Variants in RARB observed in about 807,000 individuals in gnomAD.
RARB encodes retinoic acid receptor beta.
In RARB, 17 loss-of-function variants were observed where a neutral mutation model predicts 51.9. That is an observed-to-expected ratio of 0.33 (90% confidence interval 0.22 to 0.49). The LOEUF (loss-of-function observed/expected upper bound fraction) is 0.49. Among genes scored for constraint, RARB ranks in the 20% least tolerant of loss-of-function variants. RARB has a pLI of 0.99. For missense variants in RARB, 369 were observed against 550.8 expected, an observed-to-expected ratio of 0.67 and a Z score of 3.30; for synonymous variants, 215 against 195.4, an observed-to-expected ratio of 1.10 and a Z score of -0.84.
intron 5 of RARB, among the ~76,000 whole-genome samples, chr3:25,188,566 GAA>G (rs2125361929): frequency 6.6e-6 from 1 of 152,216 alleles, no homozygotes; most frequent in African/African-American, 2.4e-5. Flanking sequence ...TTTTGGAGTA[GAA>G]AAGTTATTCT....
intron 2 of RARB, among the ~76,000 whole-genome samples, chr3:24,972,617 A>G (rs1404288767): frequency 6.6e-6 from 1 of 152,010 alleles, no homozygotes; most frequent in East Asian, 1.9e-4. Context: ...CAGTGGTACA[A>G]GGGTTCCCCT....
intron 2 of RARB, among the ~76,000 whole-genome samples, chr3:25,013,910 C>A (rs559241709): frequency 6.6e-6 from 1 of 152,172 alleles, no homozygotes; most frequent in South Asian, 2.1e-4. Flanking sequence ...TTTTGGTTCA[C>A]AAAACTGAAA....
intron 3 of RARB, among the ~76,000 whole-genome samples, chr3:25,126,072 A>C (rs1559475513): frequency 6.6e-6 from 1 of 152,204 alleles, no homozygotes; most frequent in Non-Finnish European, 1.5e-5. Context: ...AGTTGAGTAC[A>C]TAGATTTTTA....
chr3:25,430,417 T>G (rs970280737), intron 1 of RARB, among the ~76,000 whole-genome samples: 5 of 152,248 alleles, frequency 3.3e-5, no homozygotes, highest in Non-Finnish European at 7.3e-5. Flanking sequence ...TCTGAAACTT[T>G]TTCTTGTTAG....
At chr3:25,575,722 C>T (rs996165712) in intron 4 of RARB, among the ~76,000 whole-genome samples, 1 of 152,130 alleles carries the variant, frequency 6.6e-6, no homozygotes, top group Non-Finnish European at 1.5e-5. Flanking sequence ...TGGATTAGGG[C>T]CCACCCTAAT....
intron 5 of RARB, among the ~76,000 whole-genome samples, chr3:25,229,774 T>A (rs2060565): frequency 6.7e-6 from 1 of 149,082 alleles, no homozygotes; most frequent in Non-Finnish European, 1.5e-5. Context: ...AGGAGAACAG[T>A]GTGTAGCCAA....
At chr3:25,265,536 A>G (rs1185010850) in intron 5 of RARB, among the ~76,000 whole-genome samples, 1 of 152,088 alleles carries the variant, frequency 6.6e-6, no homozygotes, top group Non-Finnish European at 1.5e-5. Flanking sequence ...GCAGTGGTGC[A>G]ACCTCAGCTC....
At chr3:25,001,456 C>T (rs1336191086) in intron 2 of RARB, among the ~76,000 whole-genome samples, 2 of 152,116 alleles carry the variant, frequency 1.3e-5, no homozygotes, top group African/African-American at 4.8e-5. Context: ...CCTTATCCTT[C>T]TCAATTGTCT....
At chr3:25,186,867 C>G (rs912621185) in intron 5 of RARB, among the ~76,000 whole-genome samples, 1 of 123,926 alleles carries the variant, frequency 8.1e-6, no homozygotes, top group East Asian at 2.7e-4. Context: ...AAATGAAGAC[C>G]CAAAGAAAAA....
At chr3:25,242,104 T>C (rs976109489) in intron 5 of RARB, among the ~76,000 whole-genome samples, 2 of 152,228 alleles carry the variant, frequency 1.3e-5, no homozygotes, top group Non-Finnish European at 2.9e-5. Context: ...CACATAAATG[T>C]CTTCTTTTCA....
chr3:24,985,797 A>C (rs1006023557), intron 2 of RARB, among the ~76,000 whole-genome samples: 21 of 152,318 alleles, frequency 1.4e-4, no homozygotes, highest in African/African-American at 4.6e-4. Context: ...AATTAGATAG[A>C]TATGTCACTG....
intron 2 of RARB, among the ~76,000 whole-genome samples, chr3:24,950,336 A>G (rs1244074831): frequency 6.6e-6 from 1 of 152,204 alleles, no homozygotes; most frequent in Non-Finnish European, 1.5e-5. Context: ...CATGTTCTTC[A>G]CATAATTATG....
chr3:25,567,435 C>T (rs918697638), intron 3 of RARB, among the ~76,000 whole-genome samples: 2 of 152,120 alleles, frequency 1.3e-5, no homozygotes, highest in African/African-American at 4.8e-5. Context: ...TTCTTTAAGG[C>T]GTATGTGTGA....
At chr3:25,020,067 C>T (rs1164160108) in intron 2 of RARB, 1 of 150,996 alleles carries the variant, frequency 6.6e-6, no homozygotes, top group Non-Finnish European at 1.5e-5. Context: ...CAAAACAAGC[C>T]CTCAGAATAA....
At chr3:25,537,522 C>T (rs2125650779) in intron 3 of RARB, among the ~76,000 whole-genome samples, 1 of 152,330 alleles carries the variant, frequency 6.6e-6, no homozygotes, top group Middle Eastern at 3.4e-3. Flanking sequence ...CAGATGTAGT[C>T]ACTGAGGCTC....
At chr3:25,403,846 A>G (rs1426175574) in intron 5 of RARB, among the ~76,000 whole-genome samples, 1 of 149,950 alleles carries the variant, frequency 6.7e-6, no homozygotes, top group Non-Finnish European at 1.5e-5. Flanking sequence ...TAGAAAAAAA[A>G]AAAAGATGCC....
chr3:25,580,972 G>C (rs922080735), intron 5 of RARB, among the ~76,000 whole-genome samples: 2 of 152,132 alleles, frequency 1.3e-5, no homozygotes, highest in African/African-American at 4.8e-5. Context: ...AAACTCTACA[G>C]GTGAATGCTG....
chr3:25,005,916 C>G (rs1697262239), intron 2 of RARB, among the ~76,000 whole-genome samples: 1 of 152,106 alleles, frequency 6.6e-6, no homozygotes, highest in African/African-American at 2.4e-5. Context: ...CCCATTATTA[C>G]CTTTCTGACT....
At chr3:25,411,269 A>G (rs1309814315) in intron 5 of RARB, among the ~76,000 whole-genome samples, 1 of 152,236 alleles carries the variant, frequency 6.6e-6, no homozygotes, top group Non-Finnish European at 1.5e-5. Flanking sequence ...TAGAACTGGC[A>G]TGAAAGCAGC....
Sources: gnomAD v4.1 joint callset for allele counts (sites outside exome capture counted in the v4.1 genomes callset) on GRCh38, gnomAD v4.1.1 for gene constraint, MANE v1.5 for transcripts, NCBI Gene and HGNC (gene_info 2026-07-23, HGNC 2026-07-21) for gene names.